PCNX2: variants seen among roughly 807,000 people sequenced by gnomAD.
PCNX2 encodes the protein pecanex 2.
A neutral mutation model predicts 223.8 loss-of-function variants in PCNX2; 168 were observed. The ratio of observed to expected loss-of-function variants is 0.75; its 90% CI spans 0.66 to 0.85. The LOEUF (loss-of-function observed/expected upper bound fraction) is 0.85. Among genes scored for constraint, PCNX2 ranks in the 40% least tolerant of loss-of-function variants. The pLI is 0.00. For missense variants in PCNX2, 2,507 were observed against 2,675.5 expected (o/e 0.94, Z 1.39); for synonymous variants, 1,006 against 1,052.6 (o/e 0.96, Z 0.86).
Position 233,239,288 on chromosome 1 carries a change from T to C in PCNX2, c.2223-2308A>G, listed in dbSNP as rs187085219. ...AAACTAAGAATTGACTACGACATAA[T>C]GTGTAACGAATGGCTGTTTTAGAGC... is the stretch of plus-strand genomic sequence containing the variant. On this transcript the variant is annotated intron_variant, in intron 8 of 33. Coordinates refer to ENST00000258229, the MANE Select transcript of PCNX2 (RefSeq NM_014801.4). Among the ~76,000 whole-genome samples the C allele has an allele frequency of 3.3e-5, 5 of 152,330 alleles. No individual in the cohort carries two copies. The East Asian group carries it at 9.6e-4, about 29-fold the overall frequency.
At chr1:233,061,394 C>T (rs1449081279) in intron 23 of PCNX2, among the ~76,000 whole-genome samples, 1 of 152,186 alleles carries the variant, frequency 6.6e-6, no homozygotes, top group African/African-American at 2.4e-5. Flanking sequence ...TCTGCTGTCA[C>T]CACGCAGCTC....
chr1:233,273,920 A>C (rs1186600013), intron 1 of PCNX2, among the ~76,000 whole-genome samples: 5 of 152,032 alleles, frequency 3.3e-5, no homozygotes, highest in East Asian at 1.9e-4. Flanking sequence ...ATCGTGCCTG[A>C]CCTCTTTTGG....
At chr1:233,155,551 C>T (rs1449019652) in intron 19 of PCNX2, among the ~76,000 whole-genome samples, 3 of 152,176 alleles carry the variant, frequency 2.0e-5, no homozygotes, top group Non-Finnish European at 2.9e-5. Flanking sequence ...TATTCCTTGT[C>T]TCAATCTCTT....
intron 1 of PCNX2, among the ~76,000 whole-genome samples, chr1:233,269,928 C>T (rs1242489079): frequency 2.0e-5 from 3 of 152,212 alleles, no homozygotes; most frequent in Non-Finnish European, 4.4e-5. Flanking sequence ...ACCACAGGTT[C>T]ATCCAAAAAG....
At chr1:233,257,047 G>A (rs1659771704) in intron 5 of PCNX2, among the ~76,000 whole-genome samples, 1 of 152,158 alleles carries the variant, frequency 6.6e-6, no homozygotes, top group South Asian at 2.1e-4. Context: ...AATCACAGCA[G>A]TAACAGAATT....
rs186450312 is a variant in PCNX2, at chr1:233,160,357, C to A, written c.3443G>T (p.Arg1148Leu). The change falls in exon 19 of 34, where the codon CGC becomes CTC. Residue 1148 changes from arginine to leucine, a missense_variant. Arg to Leu is a moderately radical substitution (Grantham distance 102). This residue lies in a region of PCNX2 where 1,372 missense variants were observed against 1,509.4 expected (regional missense o/e 0.91). Transcript: ENST00000258229. ...AATCCACATCCAGGGATGATGCTTG[C>A]GGAGCTGAGGGAGCACGTAATGTGT... is the stretch of plus-strand genomic sequence containing the variant. The part of the protein sequence containing the change: ...FVTHYVLPQL[R>L]KHHPWMWISH... The A allele has an allele frequency of 6.2e-7, 1 of 1,613,326 alleles. No individual in the cohort carries two copies. Among genetic ancestry groups the A allele is most frequent in the Non-Finnish European group, 8.5e-7 (1 of 1,179,534 alleles).
rs530095115 is a variant in PCNX2 at position 233,234,774 on chromosome 1, G to A, written c.2358+2071C>T. ...GAAGGTTCAACACTAATGTTCTGGA[G>A]GGTGGTAGGGAGTTAGCACTTCCGG... is the stretch of plus-strand genomic sequence containing the variant. On this transcript the variant is annotated intron_variant, in intron 9 of 33. Coordinates refer to ENST00000258229, the MANE Select transcript of PCNX2 (RefSeq NM_014801.4). 7.2e-5 allele frequency among the ~76,000 whole-genome samples: 11 copies of A among 152,220 alleles called. No homozygotes were observed. In the East Asian group the frequency reaches 1.9e-3, roughly 27 times the overall value.
At chr1:232,999,009 G>T in intron 31 of PCNX2, 96 bp downstream of exon 31, 1 of 1,369,350 alleles carries the variant, frequency 7.3e-7, no homozygotes, top group Non-Finnish European at 9.9e-7. Flanking sequence ...GAAAATGGTG[G>T]CTGACAGTGA....
intron 9 of PCNX2, among the ~76,000 whole-genome samples, chr1:233,227,581 A>G (rs1657820397): frequency 6.6e-6 from 1 of 152,238 alleles, no homozygotes; most frequent in South Asian, 2.1e-4. Context: ...ATCAACAAAA[A>G]GCGCTTTTCT....
intron 15 of PCNX2, among the ~76,000 whole-genome samples, chr1:233,195,510 A>C (rs1680675873): frequency 6.6e-6 from 1 of 152,242 alleles, no homozygotes; most frequent in South Asian, 2.1e-4. Flanking sequence ...AAGGAAAATA[A>C]AATTGTGTTT....
intron 21 of PCNX2, among the ~76,000 whole-genome samples, chr1:233,129,107 G>C (rs913557376): frequency 1.3e-5 from 2 of 152,252 alleles, no homozygotes; most frequent in Non-Finnish European, 2.9e-5. Context: ...CCCTCAGCTT[G>C]CCAGGAGGTG....
intron 21 of PCNX2, among the ~76,000 whole-genome samples, chr1:233,120,209 A>AAAG (rs1222130923): frequency 2.6e-5 from 4 of 151,036 alleles, no homozygotes; most frequent in African/African-American, 9.7e-5. Context: ...AAAGAAAAAA[A>AAAG]AAGAGTATAG....
chr1:233,181,881 T>C (rs1380803223), intron 15 of PCNX2, among the ~76,000 whole-genome samples: 7 of 152,188 alleles, frequency 4.6e-5, no homozygotes, highest in Admixed American at 2.0e-4. Flanking sequence ...TACCATTACA[T>C]TGGGGATTAG....
At chr1:233,082,413 A>G (rs928811389) in intron 23 of PCNX2, among the ~76,000 whole-genome samples, 2 of 152,332 alleles carry the variant, frequency 1.3e-5, no homozygotes, top group Non-Finnish European at 2.9e-5. Context: ...CTGATAAAGG[A>G]GATTCATGAC....
At chr1:233,239,757 T>G (rs1341045518) in intron 8 of PCNX2, among the ~76,000 whole-genome samples, 4 of 152,242 alleles carry the variant, frequency 2.6e-5, no homozygotes, top group African/African-American at 4.8e-5. Context: ...GATATAGGAT[T>G]GACTTTGCTT....
chr1:233,259,206 G>A lies in PCNX2; in HGVS notation c.656C>T (p.Ala219Val), dbSNP rs1228687001. 9 of 1,613,808 alleles carry A rather than the reference G, an allele frequency of 5.6e-6. No homozygotes were observed. The highest frequency in any genetic ancestry group is 5.9e-6 in the Non-Finnish European group (7 of 1,179,876). Residue 219 changes from alanine to valine, a missense_variant, in exon 5 of 34, where the codon GCC (alanine) becomes GTC (valine). By Grantham distance (64) the Ala-to-Val change is moderately conservative. This residue lies in a region of PCNX2 where 1,031 missense variants were observed against 1,021.7 expected (regional missense o/e 1.01). Coordinates refer to ENST00000258229, the MANE Select transcript of PCNX2 (RefSeq NM_014801.4). The part of the protein sequence containing the change: ...TKSVIPVKPV[A>V]TETLINGKGK... ...TTTACCATTGATGAGAGTTTCTGTG[G>A]CAACTGGTTTTACAGGTATTACTGA... is the stretch of plus-strand genomic sequence containing the variant.
At chr1:233,094,068 C>A (rs1052399296) in intron 22 of PCNX2, among the ~76,000 whole-genome samples, 1 of 152,114 alleles carries the variant, frequency 6.6e-6, no homozygotes, top group Non-Finnish European at 1.5e-5. Flanking sequence ...TTAATTCAGT[C>A]GTGGAACTCC....
At chr1:233,035,807 T>G (rs1187958425) in intron 25 of PCNX2, among the ~76,000 whole-genome samples, 1 of 152,170 alleles carries the variant, frequency 6.6e-6, no homozygotes, top group African/African-American at 2.4e-5. Context: ...GCAGTTTACT[T>G]CCACAGCCCA....
intron 23 of PCNX2, among the ~76,000 whole-genome samples, chr1:233,077,464 T>A (rs969395800): frequency 6.6e-6 from 1 of 152,164 alleles, no homozygotes; most frequent in Admixed American, 6.5e-5. Context: ...TGTTTACCAG[T>A]GATAACGTTA....
Sources: gnomAD v4.1 joint callset for allele counts (sites outside exome capture counted in the v4.1 genomes callset) on GRCh38, gnomAD v4.1.1 for gene constraint, gnomAD v4.1.1 regional missense constraint, MANE v1.5 for transcripts, NCBI Gene and HGNC (gene_info 2026-07-23, HGNC 2026-07-21) for gene names.